HABP4: variants seen among roughly 807,000 people sequenced by gnomAD.
The protein encoded by HABP4 is hyaluronan binding protein 4.
Under a neutral mutation model 44.1 loss-of-function variants are expected in HABP4, and 32 were observed. The ratio of observed to expected loss-of-function variants is 0.73; its 90% CI spans 0.55 to 0.97. The LOEUF (loss-of-function observed/expected upper bound fraction) is 0.97. Among genes scored for constraint, HABP4 ranks in the 50% least tolerant of loss-of-function variants. The probability of loss-of-function intolerance (pLI) is 0.00; values close to 1 mark genes in which losing one functional copy is unlikely to be tolerated. For synonymous variants in HABP4, 216 were observed against 218.0 expected (o/e 0.99, Z 0.08); for missense variants, 503 against 561.9 (o/e 0.90, Z 1.06).
intron 1 of HABP4, among the ~76,000 whole-genome samples, chr9:96,457,606 G>T (rs536544322): frequency 1.2e-4 from 19 of 152,340 alleles, no homozygotes; most frequent in African/African-American, 4.1e-4. Flanking sequence ...TGAGGCTCAT[G>T]CCTGTAATCC....
intron 5 of HABP4, among the ~76,000 whole-genome samples, chr9:96,477,974 T>C (rs553985092): frequency 6.6e-6 from 1 of 152,322 alleles, no homozygotes; most frequent in Admixed American, 6.5e-5. Context: ...TCTTCTTTGG[T>C]CTGTGTTCTT....
chr9:96,460,371 T>G (rs1044836764), intron 2 of HABP4, among the ~76,000 whole-genome samples: 1 of 152,096 alleles, frequency 6.6e-6, no homozygotes, highest in Non-Finnish European at 1.5e-5. Context: ...CCACACAGCC[T>G]TTCTTTGTTA....
intron 6 of HABP4, 98 bp downstream of exon 6, chr9:96,484,731 T>G: frequency 1.4e-6 from 1 of 695,884 alleles, no homozygotes; most frequent in Middle Eastern, 2.5e-4. Context: ...GGAACATTAG[T>G]AGTTGGCAGT....
chr9:96,456,778 AAAATATATATATAT>A (rs1832394371), intron 1 of HABP4, among the ~76,000 whole-genome samples: 3 of 53,222 alleles, frequency 5.6e-5, no homozygotes, highest in South Asian at 1.4e-3. Context: ...AAAAAAAAAA[AAAATATATATATAT>A]ATATATATAT....
At chr9:96,467,385 G>GT (rs1832618985) in intron 4 of HABP4, among the ~76,000 whole-genome samples, 1 of 151,930 alleles carries the variant, frequency 6.6e-6, no homozygotes, top group African/African-American at 2.4e-5. Context: ...TCTATCTGGG[G>GT]TTCCATAGGA....
At chr9:96,467,378 A>C (rs868107899) in intron 4 of HABP4, among the ~76,000 whole-genome samples, 2 of 152,166 alleles carry the variant, frequency 1.3e-5, no homozygotes, top group Middle Eastern at 3.2e-3. Flanking sequence ...ATGTTTCTCT[A>C]TCTGGGGTTC....
chr9:96,485,082 C>T (rs1288592592), intron 6 of HABP4, among the ~76,000 whole-genome samples: 7 of 149,010 alleles, frequency 4.7e-5, no homozygotes, highest in Non-Finnish European at 7.4e-5. Context: ...GATGGAGTTT[C>T]GCTCTTGTTG....
chr9:96,473,905 C>T (rs1201156140), intron 5 of HABP4, among the ~76,000 whole-genome samples: 1 of 152,160 alleles, frequency 6.6e-6, no homozygotes, highest in African/African-American at 2.4e-5. Flanking sequence ...AGTTGAAATC[C>T]CAGCTCTGCC....
At chr9:96,457,195 C>T (rs111560499) in intron 1 of HABP4, among the ~76,000 whole-genome samples, 14 of 151,962 alleles carry the variant, frequency 9.2e-5, no homozygotes, top group African/African-American at 3.4e-4. Context: ...AGAGAAACGT[C>T]GTCTCTACTG....
chr9:96,451,206 C>T (rs1832270211), intron 1 of HABP4, among the ~76,000 whole-genome samples: 1 of 152,236 alleles, frequency 6.6e-6, no homozygotes, highest in Non-Finnish European at 1.5e-5. Flanking sequence ...AGGCAGCCGG[C>T]ATCGTATTTC....
intron 2 of HABP4, among the ~76,000 whole-genome samples, chr9:96,462,668 G>A (rs1229250603): frequency 2.6e-5 from 4 of 151,866 alleles, no homozygotes; most frequent in South Asian, 2.1e-4. Context: ...GCTTATACCC[G>A]TAGTCCTAGC....
intron 2 of HABP4, among the ~76,000 whole-genome samples, chr9:96,460,025 T>C (rs539214476): frequency 6.6e-6 from 1 of 152,342 alleles, no homozygotes; most frequent in African/African-American, 2.4e-5. Flanking sequence ...GGTATTTATT[T>C]TCCCCTCACT....
At chr9:96,481,377 C>T (rs1832877318) in intron 5 of HABP4, among the ~76,000 whole-genome samples, 1 of 152,072 alleles carries the variant, frequency 6.6e-6, no homozygotes, top group Non-Finnish European at 1.5e-5. Flanking sequence ...TAGGTGTGAG[C>T]CACCGCGCCC....
chr9:96,450,816 C>T lies in HABP4; in HGVS notation c.349+188C>T, dbSNP rs1205758419. Among the ~76,000 whole-genome samples the T allele has an allele frequency of 6.6e-6, 1 of 152,166 alleles. No homozygotes were observed. The highest frequency in any genetic ancestry group is 1.5e-5 in the Non-Finnish European group (1 of 68,030). Reference sequence around the variant, plus strand: ...CAGCTCTCGCCAGCCTCGTGCGGGGCTCCGGGGGAAACGCTGGCTTGGGGT... The same window carrying T: ...CAGCTCTCGCCAGCCTCGTGCGGGGTTCCGGGGGAAACGCTGGCTTGGGGT... On this transcript the variant is annotated intron_variant, in intron 1 of 7. Coordinates refer to ENST00000375249, the MANE Select transcript of HABP4 (RefSeq NM_014282.4). The surrounding 1 kb of genome is among the most constrained non-coding windows in gnomAD (Gnocchi z 4.8).
intron 2 of HABP4, among the ~76,000 whole-genome samples, chr9:96,462,469 C>T (rs1363451990): frequency 4.0e-5 from 6 of 151,664 alleles, no homozygotes; most frequent in African/African-American, 7.3e-5. Context: ...AAAAAATTGC[C>T]AGGCGTGGTG....
chr9:96,470,874 G>A (rs1310877533), intron 4 of HABP4, 137 bp from the exon 5 acceptor site: 26 of 559,720 alleles, frequency 4.6e-5, no homozygotes, highest in Admixed American at 1.8e-4. Flanking sequence ...CAGCCTGGGC[G>A]ACAGAGTGAG....
Position 96,450,350 on chromosome 9 carries a change from TG to T in HABP4, c.73del (p.Ala25ProfsTer158). 1 of 1,293,976 alleles carries T rather than the reference TG, an allele frequency of 7.7e-7. No homozygotes were observed. The highest frequency in any genetic ancestry group is 1.0e-6 in the Non-Finnish European group (1 of 992,850). 80.2% of individuals were successfully genotyped at this position (1,293,976 alleles called of 1,614,324 possible). On this transcript the variant is annotated frameshift_variant, in exon 1 of 8. Transcript: ENST00000375249. LOFTEE classifies it high-confidence loss of function. This position sits in a 1 kb window ranked among gnomAD's most constrained non-coding sequence, Gnocchi z 4.8. ...AAMQESFGCV[V>X]ANRFHQLLDD... is the part of the protein sequence containing the mutation. Reference sequence around the variant, plus strand: ...ATGCAGGAGAGTTTCGGCTGCGTGGTGGCCAACCGCTTCCATCAGCTGCTGG... The same window carrying T: ...ATGCAGGAGAGTTTCGGCTGCGTGGTGCCAACCGCTTCCATCAGCTGCTGG...
intron 2 of HABP4, 150 bp from the exon 3 acceptor site, chr9:96,465,187 T>C (rs1274580471): frequency 1.6e-6 from 1 of 645,040 alleles, no homozygotes; most frequent in Non-Finnish European, 2.8e-6. Flanking sequence ...TAGTCTATAG[T>C]ATGCGCTCAC....
chr9:96,468,001 T>C (rs1015611686), intron 4 of HABP4, among the ~76,000 whole-genome samples: 2 of 152,248 alleles, frequency 1.3e-5, no homozygotes, highest in African/African-American at 4.8e-5. Flanking sequence ...CAGGCTGGCA[T>C]GTCTCAGTGT....
Sources: allele counts gnomAD v4.1 joint callset (sites outside exome capture counted in the v4.1 genomes callset), GRCh38; gene constraint gnomAD v4.1.1; non-coding constraint Gnocchi (gnomAD v3.1); transcripts MANE v1.5; gene names NCBI Gene and HGNC (gene_info 2026-07-23, HGNC 2026-07-21).